The following TRPC7 variants were observed in gnomAD, a reference collection of about 807,000 sequenced individuals.
TRPC7 encodes transient receptor potential cation channel subfamily C member 7, also known as short transient receptor potential channel 7.
A neutral mutation model predicts 90.1 loss-of-function variants in TRPC7; 42 were observed. The ratio of observed to expected loss-of-function variants is 0.47; its 90% CI spans 0.36 to 0.60. TRPC7 has a LOEUF of 0.60. TRPC7 is among the 20% of genes least tolerant of loss of function. TRPC7 has a pLI of 0.00. For missense variants in TRPC7, 955 were observed against 1,112.3 expected, an observed-to-expected ratio of 0.86 and a Z score of 2.01; for synonymous variants, 451 against 436.3, an observed-to-expected ratio of 1.03 and a Z score of -0.42.
chr5:136,339,442 T>C (rs2149851199), intron 2 of TRPC7, among the ~76,000 whole-genome samples: 1 of 152,350 alleles, frequency 6.6e-6, no homozygotes, highest in African/African-American at 2.4e-5. Context: ...TATAACTGCT[T>C]ACTGATCAGG....
intron 3 of TRPC7, among the ~76,000 whole-genome samples, chr5:136,296,296 G>A (rs558528741): frequency 2.2e-4 from 34 of 152,312 alleles, no homozygotes; most frequent in African/African-American, 7.5e-4. Context: ...CTTGCAAAGT[G>A]CAGATGAAAC....
In TRPC7 at chr5:136,269,708, G is replaced by A. The variant is rs141610081; in HGVS notation, c.1129-3272C>T. ...CAAAAGAATCATGCACAGCTTCGGG[G>A]TTGGGTGATTCTCAAATGTTAGCGA... On this transcript the variant is annotated intron_variant, in intron 4 of 11. Transcript: ENST00000513104. Among the ~76,000 whole-genome samples the A allele has an allele frequency of 6.2e-4, 94 of 152,298 alleles. 2 individuals are homozygous for A. The East Asian group carries it at 0.017, about 28-fold the overall frequency.
intron 3 of TRPC7, among the ~76,000 whole-genome samples, chr5:136,308,377 TGCA>T (rs1758714973): frequency 6.6e-6 from 1 of 152,232 alleles, no homozygotes; most frequent in Non-Finnish European, 1.5e-5. Context: ...CCAGGCATCC[TGCA>T]GTGCAGTTTG....
At chr5:136,355,008 T>G (rs571669799) in intron 2 of TRPC7, among the ~76,000 whole-genome samples, 1 of 152,360 alleles carries the variant, frequency 6.6e-6, no homozygotes, top group Admixed American at 6.5e-5. Context: ...TACCCATTCT[T>G]GGCTGTATAA....
rs77682225 is a variant in TRPC7, at chr5:136,256,844, G to A, written c.1346-4962C>T. On this transcript the variant is annotated intron_variant, in intron 5 of 11. Transcript: ENST00000513104. ...AGCAGGCCCACCTAACAGTCCTCCA[G>A]CAGTTCCACCCAACCATTTGCTTGT... Among the ~76,000 whole-genome samples, 251 of 152,268 alleles carry A rather than the reference G, an allele frequency of 1.6e-3. 1 individual carries two copies. The highest frequency in any genetic ancestry group is 5.5e-3 in the African/African-American group (228 of 41,552).
chr5:136,311,185 T>G (rs563191281), intron 3 of TRPC7, among the ~76,000 whole-genome samples: 1 of 152,184 alleles, frequency 6.6e-6, no homozygotes, highest in African/African-American at 2.4e-5. Context: ...TTGCAGTGAC[T>G]GGGAGATCCC....
intron 6 of TRPC7, among the ~76,000 whole-genome samples, chr5:136,250,203 A>G (rs1474438680): frequency 2.6e-5 from 4 of 152,220 alleles, no homozygotes; most frequent in Admixed American, 1.3e-4. Context: ...ATGACTTGTA[A>G]TACTACAAGA....
chr5:136,276,304 T>C (rs774381565), intron 3 of TRPC7, among the ~76,000 whole-genome samples: 6 of 152,306 alleles, frequency 3.9e-5, no homozygotes, highest in Middle Eastern at 3.4e-3. Context: ...CTGGACACTA[T>C]GGACTAGAGA....
In TRPC7 at chr5:136,274,653, G is replaced by A. The variant is rs1303625000; in HGVS notation, c.1128+20C>T. The A allele has an allele frequency of 1.3e-6, 2 of 1,575,156 alleles. No homozygotes were observed. Among genetic ancestry groups the A allele is most frequent in the African/African-American group, 1.4e-5 (1 of 73,080 alleles). ...GAGAAGAAATAACCGCAAACGACATGCACCTTAAGCAGTCTGTACCTTGCT... is the reference window on the plus strand; with the variant it reads ...GAGAAGAAATAACCGCAAACGACATACACCTTAAGCAGTCTGTACCTTGCT... On this transcript the variant is annotated intron_variant, in intron 4 of 11. Coordinates refer to ENST00000513104, the MANE Select transcript of TRPC7 (RefSeq NM_020389.3).
In TRPC7 at chr5:136,249,409, C is replaced by T. The variant is rs1024440828; in HGVS notation, c.1580-1674G>A. On this transcript the variant is annotated intron_variant, in intron 6 of 11. Transcript: ENST00000513104. ...CTCATCAAGGTCATACCTCAAAAAACCATGAAAGACTAGTAAGCAGAATAA... is the reference window on the plus strand; with the variant it reads ...CTCATCAAGGTCATACCTCAAAAAATCATGAAAGACTAGTAAGCAGAATAA... Among the ~76,000 whole-genome samples the T allele has an allele frequency of 9.9e-5, 15 of 152,208 alleles. No individual in the cohort carries two copies. In the South Asian group the frequency reaches 1.9e-3, roughly 19 times the overall value.
intron 1 of TRPC7, among the ~76,000 whole-genome samples, chr5:136,363,492 T>C (rs1561735697): frequency 6.6e-6 from 1 of 152,140 alleles, no homozygotes; most frequent in Non-Finnish European, 1.5e-5. Flanking sequence ...AAAAAAAAGA[T>C]ATATACCTAA....
chr5:136,213,468 G>T lies in TRPC7; in HGVS notation c.2556C>A (p.Asp852Glu). Residue 852 changes from aspartate (D) to glutamate (E), a missense_variant, in exon 12 of 12, where the codon GAC (aspartate) becomes GAA (glutamate). Physicochemically the swap from Asp to Glu is conservative, Grantham distance 45 (BLOSUM62 2). This residue lies in a region of TRPC7 where 296 missense variants were observed against 422.7 expected (regional missense o/e 0.70). Coordinates refer to ENST00000513104, the MANE Select transcript of TRPC7 (RefSeq NM_020389.3). ...CTTTGCCCTTGTTCACCCTCAGGTG[G>T]TCTTTGTTTAAGTTCTTTCCAAACT... ...SEKFGKNLNK[D>E]HLRVNKGKDI The T allele has an allele frequency of 1.2e-6, 2 of 1,613,992 alleles. No individual in the cohort carries two copies. The highest frequency in any genetic ancestry group is 1.7e-6 in the Non-Finnish European group (2 of 1,179,896).
rs140896371 is a variant in TRPC7, at chr5:136,324,618, C to T, written c.781-8839G>A. 1.6e-4 allele frequency among the ~76,000 whole-genome samples: 25 copies of T among 152,296 alleles called. No individual in the cohort carries two copies. The East Asian group carries it at 4.8e-3, about 29-fold the overall frequency. ...AATATGGAGGATGACTCCAAACCAT[C>T]TATCAAGACATGTTGATACCTTTAA... On this transcript the variant is annotated intron_variant, in intron 2 of 11. Transcript: ENST00000513104.
intron 2 of TRPC7, among the ~76,000 whole-genome samples, chr5:136,320,732 C>T (rs1326942013): frequency 6.6e-6 from 1 of 152,176 alleles, no homozygotes. Flanking sequence ...TTCAAACACA[C>T]TTAGTGTGGA....
At chr5:136,252,352 TTTTTGTTTTG>T (rs145503628) in intron 5 of TRPC7, among the ~76,000 whole-genome samples, 2 of 152,202 alleles carry the variant, frequency 1.3e-5, no homozygotes, top group Admixed American at 6.5e-5. Flanking sequence ...AGAACCCAGT[TTTTTGTTTTG>T]TTTTGTTTTG....
intron 3 of TRPC7, among the ~76,000 whole-genome samples, chr5:136,293,774 G>T (rs886343786): frequency 7.2e-5 from 11 of 152,104 alleles, no homozygotes; most frequent in African/African-American, 2.4e-4. Context: ...TTTCTTCACA[G>T]AATTGGAAAA....
At chr5:136,362,395 G>A (rs1760595305) in intron 1 of TRPC7, among the ~76,000 whole-genome samples, 1 of 152,052 alleles carries the variant, frequency 6.6e-6, no homozygotes, top group Admixed American at 6.5e-5. Flanking sequence ...AATAAAGCCA[G>A]CCTGTAAAGA....
rs115444416 is a variant in TRPC7, at chr5:136,287,791, G to A, written c.964-12954C>T. The stretch of plus-strand genomic sequence containing the variant: ...GGAGCCACAGCTTAGGACAGATTGC[G>A]GTGATCAGCACTTGTTAGTGGCATC... On this transcript the variant is annotated intron_variant, in intron 3 of 11. Coordinates refer to ENST00000513104, the MANE Select transcript of TRPC7 (RefSeq NM_020389.3). 5.0e-3 allele frequency among the ~76,000 whole-genome samples: 752 copies of A among 149,888 alleles called. 5 individuals carry two copies. Among genetic ancestry groups the A allele is most frequent in the African/African-American group, 0.017 (711 of 40,730 alleles).
At chr5:136,271,512 T>C (rs1332069166) in intron 4 of TRPC7, among the ~76,000 whole-genome samples, 1 of 152,188 alleles carries the variant, frequency 6.6e-6, no homozygotes, top group Non-Finnish European at 1.5e-5. Flanking sequence ...TAGCAAAGGA[T>C]GGAAACAGCT....
Sources: gnomAD v4.1 joint callset for allele counts (sites outside exome capture counted in the v4.1 genomes callset) on GRCh38, gnomAD v4.1.1 for gene constraint, gnomAD v4.1.1 regional missense constraint, MANE v1.5 for transcripts, NCBI Gene and HGNC (gene_info 2026-07-23, HGNC 2026-07-21) for gene names.